CSMD1: variants seen among roughly 807,000 people sequenced by gnomAD.
The protein encoded by CSMD1 is CUB and Sushi multiple domains 1, also known as CUB and sushi domain-containing protein 1.
A neutral mutation model predicts 417.5 loss-of-function variants in CSMD1; 213 were observed. The observed-to-expected ratio is 0.51, with a 90% CI of 0.46 to 0.57. The LOEUF (loss-of-function observed/expected upper bound fraction) is 0.57, where lower values mean the gene tolerates loss of function less well. Ranked by LOEUF, CSMD1 falls within the 20% of genes least tolerant of loss-of-function variation. The pLI, the probability that CSMD1 is intolerant of heterozygous loss-of-function variation, is 0.00. For missense variants in CSMD1, 6,923 were observed against 4,529.7 expected (o/e 1.53, Z -15.17); for synonymous variants, 2,862 against 1,736.8 (o/e 1.65, Z -16.11).
At chr8:4,167,702 TAGTC>T (rs1327408106) in intron 3 of CSMD1, among the ~76,000 whole-genome samples, 15 of 152,106 alleles carry the variant, frequency 9.9e-5, no homozygotes, top group East Asian at 3.9e-4. Flanking sequence ...AAATGATAAA[TAGTC>T]AGGCTGGGTG....
chr8:4,588,779 G>GACACACACACACACACACACACAC (rs10576784), intron 2 of CSMD1, among the ~76,000 whole-genome samples: 4 of 146,372 alleles, frequency 2.7e-5, no homozygotes, highest in African/African-American at 5.0e-5. Flanking sequence ...GCAAGACTCC[G>GACACACACACACACACACACACAC]ACACACACAC....
chr8:3,160,279 TG>T (rs1357023812), intron 38 of CSMD1, among the ~76,000 whole-genome samples: 1 of 152,114 alleles, frequency 6.6e-6, no homozygotes, highest in Admixed American at 6.5e-5. Flanking sequence ...TGCGCCGCCA[TG>T]CCCAGCTCAT....
intron 1 of CSMD1, among the ~76,000 whole-genome samples, chr8:4,644,699 A>C (rs1405726630): frequency 6.6e-6 from 1 of 152,206 alleles, no homozygotes. Context: ...GTGAGCCACC[A>C]TGCCTGGCGC....
rs998301205 is a variant in CSMD1 at position 4,137,653 on chromosome 8, T to C, written c.416-105554A>G. ...CACATTTTTATAAGCAGTTTCAATA[T>C]AAATTCATACTGAAAGTAACTTCTT... On this transcript the variant is annotated intron_variant, in intron 3 of 69. Coordinates refer to ENST00000635120, the MANE Select transcript of CSMD1 (RefSeq NM_033225.6). 2.3e-5 allele frequency among the ~76,000 whole-genome samples: 3 copies of C among 131,508 alleles called. 1 individual carries two copies. Among genetic ancestry groups the C allele is most frequent in the Non-Finnish European group, 3.5e-5 (2 of 56,608 alleles). 86.3% of individuals were successfully genotyped at this position (131,508 alleles called of 152,430 possible).
intron 3 of CSMD1, among the ~76,000 whole-genome samples, chr8:4,350,216 C>T (rs1563081855): frequency 1.3e-5 from 2 of 152,120 alleles, no homozygotes; most frequent in Non-Finnish European, 1.5e-5. Flanking sequence ...CTCTGTCAAG[C>T]GTCCAGGCAC....
chr8:4,666,847 A>C (rs183400707), intron 1 of CSMD1, among the ~76,000 whole-genome samples: 225 of 152,120 alleles, frequency 1.5e-3, no homozygotes, highest in African/African-American at 4.4e-3. Context: ...GAACTTTATA[A>C]TTTTGATGAA....
intron 26 of CSMD1, among the ~76,000 whole-genome samples, chr8:3,262,115 G>C (rs1306687083): frequency 6.8e-6 from 1 of 147,654 alleles, no homozygotes; most frequent in African/African-American, 2.5e-5. Flanking sequence ...GTATGTCTGA[G>C]TTGCAGTATT....
At chr8:3,501,979 C>A (rs1193347052) in intron 10 of CSMD1, among the ~76,000 whole-genome samples, 1 of 152,076 alleles carries the variant, frequency 6.6e-6, no homozygotes, top group African/African-American at 2.4e-5. Flanking sequence ...GATGGGAATG[C>A]AAAATGGTAC....
At chr8:3,581,343 A>G (rs2116974158) in intron 9 of CSMD1, among the ~76,000 whole-genome samples, 1 of 152,350 alleles carries the variant, frequency 6.6e-6, no homozygotes, top group African/African-American at 2.4e-5. Context: ...AAGTAAGCGT[A>G]ATTCCAAACA....
chr8:2,987,617 G>C (rs960544126), intron 54 of CSMD1, among the ~76,000 whole-genome samples: 3 of 152,300 alleles, frequency 2.0e-5, no homozygotes, highest in East Asian at 1.9e-4. Context: ...ACTGCATTAT[G>C]AGAAATGAAC....
chr8:4,044,170 G>A (rs1232598347), intron 3 of CSMD1, among the ~76,000 whole-genome samples: 1 of 152,070 alleles, frequency 6.6e-6, no homozygotes, highest in African/African-American at 2.4e-5. Flanking sequence ...AGTTGGGGTG[G>A]ACTCATTCAT....
chr8:4,625,622 T>G (rs1304677451), intron 2 of CSMD1, among the ~76,000 whole-genome samples: 1 of 152,110 alleles, frequency 6.6e-6, no homozygotes, highest in Non-Finnish European at 1.5e-5. Flanking sequence ...CCCGTGCATT[T>G]ACATTTTAGA....
chr8:3,645,015 A>T (rs979861717), intron 7 of CSMD1, among the ~76,000 whole-genome samples: 1 of 146,718 alleles, frequency 6.8e-6, no homozygotes, highest in Non-Finnish European at 1.5e-5. Context: ...TCAAACTCGC[A>T]TTTCTTCCTT....
At chr8:3,859,274 C>G (rs999899943) in intron 5 of CSMD1, among the ~76,000 whole-genome samples, 8 of 152,236 alleles carry the variant, frequency 5.3e-5, no homozygotes, top group African/African-American at 1.4e-4. Context: ...GTGAGTCTTT[C>G]TAGTTTTCCT....
intron 4 of CSMD1, among the ~76,000 whole-genome samples, chr8:4,028,964 G>C (rs1027467707): frequency 2.0e-5 from 3 of 152,190 alleles, no homozygotes; most frequent in African/African-American, 4.8e-5. Flanking sequence ...AAAAATAGCA[G>C]TGTTGCAGGT....
intron 18 of CSMD1, among the ~76,000 whole-genome samples, chr8:3,372,934 C>T (rs1370245102): frequency 6.6e-6 from 1 of 152,042 alleles, no homozygotes; most frequent in African/African-American, 2.4e-5. Context: ...CGGAGGAGTC[C>T]CGAATTCAGA....
intron 1 of CSMD1, among the ~76,000 whole-genome samples, chr8:4,991,520 C>A (rs1214119319): frequency 2.0e-5 from 3 of 152,206 alleles, no homozygotes; most frequent in East Asian, 3.9e-4. Flanking sequence ...TCTGCGCCTG[C>A]CTTCGCCACA....
chr8:2,992,628 T>C (rs1206410136), intron 54 of CSMD1, among the ~76,000 whole-genome samples: 3 of 152,040 alleles, frequency 2.0e-5, no homozygotes, highest in Non-Finnish European at 4.4e-5. Flanking sequence ...GGTTTCACCA[T>C]GTTGGTCAGG....
chr8:4,801,851 A>G (rs906905633), intron 1 of CSMD1, among the ~76,000 whole-genome samples: 1 of 152,194 alleles, frequency 6.6e-6, no homozygotes, highest in Non-Finnish European at 1.5e-5. Flanking sequence ...TTATTGTTTC[A>G]GACTACTGAG....
Sources: gnomAD v4.1 joint callset for allele counts (sites outside exome capture counted in the v4.1 genomes callset) on GRCh38, gnomAD v4.1.1 for gene constraint, MANE v1.5 for transcripts, NCBI Gene and HGNC (gene_info 2026-07-23, HGNC 2026-07-21) for gene names.